PDGFRA: variants seen among roughly 807,000 people sequenced by gnomAD.
PDGFRA encodes platelet-derived growth factor receptor alpha.
PDGFRA carries 25 observed loss-of-function variants against 121.5 expected under a neutral mutation model. The observed-to-expected ratio is 0.21, with a 90% CI of 0.15 to 0.29. The LOEUF (loss-of-function observed/expected upper bound fraction) is 0.29. Among genes scored for constraint, PDGFRA ranks in the 10% least tolerant of loss-of-function variants. The probability of loss-of-function intolerance (pLI) is 1.00; values close to 1 mark genes in which losing one functional copy is unlikely to be tolerated. For missense variants in PDGFRA, 1,008 were observed against 1,345.1 expected (o/e 0.75, Z 3.92); for synonymous variants, 463 against 494.8 (o/e 0.94, Z 0.85).
rs2110341422 is a variant in PDGFRA, at chr4:54,287,478, C to T, written c.2611C>T (p.Leu871Phe). The T allele has an allele frequency of 6.3e-7, 1 of 1,580,570 alleles. No homozygotes were observed. Among genetic ancestry groups the T allele is most frequent in the East Asian group, 2.2e-5 (1 of 44,714 alleles). ...GGCTCCTGAGAGCATCTTTGACAACCTCTACACCACACTGAGTGATGTCTG... is the reference window on the plus strand; with the variant it reads ...GGCTCCTGAGAGCATCTTTGACAACTTCTACACCACACTGAGTGATGTCTG... Reference protein sequence around the residue: ...WMAPESIFDNLYTTLSDVWSY... With the variant: ...WMAPESIFDNFYTTLSDVWSY... Residue 871 changes from leucine to phenylalanine, a missense_variant, in exon 19 of 23, where the codon CTC becomes TTC. Physicochemically the swap from Leu to Phe is conservative, Grantham distance 22. Around this residue, in one of 5 missense-constraint regions of PDGFRA, gnomAD observed 40 missense variants for 127.4 expected, o/e 0.31. Coordinates refer to ENST00000257290, the MANE Select transcript of PDGFRA (RefSeq NM_006206.6).
rs1553906681 is a variant in PDGFRA, at chr4:54,290,518, C to G, written c.3086C>G (p.Pro1029Arg). The G allele has an allele frequency of 6.2e-7, 1 of 1,614,174 alleles. No individual in the cohort carries two copies. Among genetic ancestry groups the G allele is most frequent in the Non-Finnish European group, 8.5e-7 (1 of 1,180,008 alleles). Residue 1029 changes from proline to arginine, a missense_variant, in exon 22 of 23, where the codon CCT (proline) becomes CGT (arginine). Coordinates refer to ENST00000257290, the MANE Select transcript of PDGFRA (RefSeq NM_006206.6). ...IIPLPDIDPV[P>R]EEEDLGKRNR... ...CCTCTGCCTGACATTGACCCTGTCC[C>G]TGAGGAGGAGGACCTGGGCAAGAGG...
intron 13 of PDGFRA, 126 bp downstream of exon 13, chr4:54,277,618 A>G (rs1723811247): frequency 1.3e-6 from 1 of 746,648 alleles, no homozygotes; most frequent in South Asian, 1.5e-5. Context: ...GATTATTTTG[A>G]CTCCAGGTTT....
chr4:54,287,922 T>A (rs1483803607), intron 19 of PDGFRA, among the ~76,000 whole-genome samples: 2 of 152,242 alleles, frequency 1.3e-5, no homozygotes, highest in East Asian at 3.9e-4. Flanking sequence ...TGGCGATTGA[T>A]GCTCAGGTGA....
chr4:54,280,612 G>T, intron 16 of PDGFRA, 130 bp downstream of exon 16: 1 of 727,026 alleles, frequency 1.4e-6, no homozygotes. Context: ...CTAAATGCAG[G>T]TCTGCACAAC....
intron 1 of PDGFRA, among the ~76,000 whole-genome samples, chr4:54,242,592 T>C (rs1721369854): frequency 6.6e-6 from 1 of 152,160 alleles, no homozygotes; most frequent in Non-Finnish European, 1.5e-5. Context: ...TATATATATA[T>C]ATTTAAAAGA....
chr4:54,249,064 AAAC>A (rs1721883929), intron 1 of PDGFRA, among the ~76,000 whole-genome samples: 1 of 152,284 alleles, frequency 6.6e-6, no homozygotes, highest in African/African-American at 2.4e-5. Flanking sequence ...AAAAGTCAGG[AAAC>A]AACAGGTGCT....
At chr4:54,264,446 A>G (rs969713214) in intron 4 of PDGFRA, 1 of 246,808 alleles carries the variant, frequency 4.1e-6, no homozygotes, top group Non-Finnish European at 7.8e-6. Flanking sequence ...TTTTAAAATC[A>G]GAGCACAGCT....
chr4:54,260,331 T>C (rs1722617761), intron 2 of PDGFRA, among the ~76,000 whole-genome samples: 1 of 151,950 alleles, frequency 6.6e-6, no homozygotes, highest in African/African-American at 2.4e-5. Flanking sequence ...TGTGGAATTC[T>C]TGAGCACAGA....
At chr4:54,286,502 A>G (rs761007671) in intron 18 of PDGFRA, among the ~76,000 whole-genome samples, 11 of 152,016 alleles carry the variant, frequency 7.2e-5, no homozygotes, top group Non-Finnish European at 1.6e-4. Flanking sequence ...GATTACAGGC[A>G]TGCACCACCA....
At chr4:54,265,445 A>G (rs1281642043) in intron 5 of PDGFRA, 1 of 296,964 alleles carries the variant, frequency 3.4e-6, no homozygotes, top group East Asian at 7.9e-5. Context: ...GGTTTGATTC[A>G]TCTGATAGTG....
chr4:54,263,220 T>C (rs1722850021), intron 3 of PDGFRA, among the ~76,000 whole-genome samples: 1 of 152,238 alleles, frequency 6.6e-6, no homozygotes, highest in African/African-American at 2.4e-5. Flanking sequence ...TAAACAGAGT[T>C]GGACTGTATT....
chr4:54,268,876 C>T (rs1336333763), intron 7 of PDGFRA, among the ~76,000 whole-genome samples: 3 of 152,178 alleles, frequency 2.0e-5, no homozygotes, highest in Non-Finnish European at 4.4e-5. Flanking sequence ...AGCCATAATC[C>T]ATAGCAGTGG....
chr4:54,288,242 G>GTGAAATGTTTCATGAA (rs1724450156), intron 19 of PDGFRA, among the ~76,000 whole-genome samples: 1 of 152,208 alleles, frequency 6.6e-6, no homozygotes, highest in Non-Finnish European at 1.5e-5. Context: ...CTTTGAAAGT[G>GTGAAATGTTTCATGAA]TGAAATGTTT....
intron 2 of PDGFRA, among the ~76,000 whole-genome samples, chr4:54,259,971 A>G (rs1199004043): frequency 6.6e-6 from 1 of 152,226 alleles, no homozygotes; most frequent in Non-Finnish European, 1.5e-5. Flanking sequence ...GTGAAAAGAA[A>G]TAGAAAACTA....
chr4:54,244,664 TC>T (rs1310848754), intron 1 of PDGFRA, among the ~76,000 whole-genome samples: 3 of 152,120 alleles, frequency 2.0e-5, no homozygotes, highest in Non-Finnish European at 4.4e-5. Context: ...AGAGCGCCTC[TC>T]CTCCTCCAGA....
chr4:54,266,804 G>C (rs942506868), intron 5 of PDGFRA, among the ~76,000 whole-genome samples: 1 of 152,012 alleles, frequency 6.6e-6, no homozygotes, highest in African/African-American at 2.4e-5. Flanking sequence ...AATGTATCAA[G>C]ACTCCGTCTC....
At position 54,274,896 on chromosome 4, in the gene PDGFRA, A is replaced by T; in HGVS notation, c.1709A>T (p.His570Leu). The T allele has an allele frequency of 6.2e-7, 1 of 1,614,024 alleles. No individual in the cohort carries two copies. Among genetic ancestry groups the T allele is most frequent in the African/African-American group, 1.3e-5 (1 of 75,062 alleles). ...RVIESISPDG[H>L]EYIYVDPMQL... ...ATTGAATCAATCAGCCCAGATGGACATGAATATATTTATGTGGACCCGATG... is the reference window on the plus strand; with the variant it reads ...ATTGAATCAATCAGCCCAGATGGACTTGAATATATTTATGTGGACCCGATG... Residue 570 changes from histidine to leucine, a missense_variant, in exon 12 of 23, where the codon CAT becomes CTT. Transcript: ENST00000257290.
intron 8 of PDGFRA, among the ~76,000 whole-genome samples, chr4:54,271,674 T>C (rs1326908523): frequency 1.4e-5 from 2 of 145,960 alleles, no homozygotes; most frequent in Non-Finnish European, 3.0e-5. Flanking sequence ...CTTGCTTCCT[T>C]CTTCCCTCCC....
rs575839721 is a variant in PDGFRA, at chr4:54,292,329, G to T, written c.3122+1775G>T. On this transcript the variant is annotated intron_variant, in intron 22 of 22. Coordinates refer to ENST00000257290, the MANE Select transcript of PDGFRA (RefSeq NM_006206.6). ...GTGATACATATACACCATGGAATAC[G>T]ATGCAGCCGTAAAAAGGAATGAGAT... 3.5e-4 allele frequency among the ~76,000 whole-genome samples: 54 copies of T among 152,282 alleles called. 1 individual carries two copies. Among genetic ancestry groups the T allele is most frequent in the African/African-American group, 1.2e-3 (48 of 41,568 alleles).
Sources: allele counts gnomAD v4.1 joint callset (sites outside exome capture counted in the v4.1 genomes callset), GRCh38; gene constraint gnomAD v4.1.1; regional missense constraint gnomAD v4.1.1; transcripts MANE v1.5; gene names NCBI Gene and HGNC (gene_info 2026-07-23, HGNC 2026-07-21).